Variants in BCL7C observed in about 807,000 individuals in gnomAD.
BCL7C encodes BAF chromatin remodeling complex subunit BCL7C, also known as B-cell CLL/lymphoma 7 protein family member C.
A neutral mutation model predicts 26.2 loss-of-function variants in BCL7C; 8 were observed. The ratio of observed to expected loss-of-function variants is 0.30; its 90% CI spans 0.18 to 0.55. The LOEUF (loss-of-function observed/expected upper bound fraction) is 0.55, where lower values mean the gene tolerates loss of function less well. Among genes scored for constraint, BCL7C ranks in the 20% least tolerant of loss-of-function variants. The pLI is 0.93. For synonymous variants in BCL7C, 90 were observed against 116.5 expected, an observed-to-expected ratio of 0.77 and a Z score of 1.47; for missense variants, 262 against 298.5, an observed-to-expected ratio of 0.88 and a Z score of 0.90.
chr16:30,850,127 G>A (rs746923863), intron 5 of BCL7C, among the ~76,000 whole-genome samples: 2 of 149,886 alleles, frequency 1.3e-5, no homozygotes, highest in Non-Finnish European at 1.5e-5. Flanking sequence ...GAAGAATGGC[G>A]TGAACCCAGG....
intron 5 of BCL7C, among the ~76,000 whole-genome samples, chr16:30,882,160 A>C (rs1485135503): frequency 4.6e-5 from 7 of 152,122 alleles, no homozygotes; most frequent in South Asian, 2.1e-4. Flanking sequence ...ATGGGGTGTC[A>C]CCATGTTGGC....
chr16:30,837,634 C>T (rs2054578058), intron 5 of BCL7C, among the ~76,000 whole-genome samples: 1 of 152,218 alleles, frequency 6.6e-6, no homozygotes, highest in Non-Finnish European at 1.5e-5. Context: ...AGGCGTGAGC[C>T]ACTGAGCCCA....
At chr16:30,873,215 G>A (rs148349792) in intron 5 of BCL7C, among the ~76,000 whole-genome samples, 69 of 124,486 alleles carry the variant, frequency 5.5e-4, no homozygotes, top group African/African-American at 2.1e-3. Context: ...ATAGGCCAGG[G>A]CTCTGAGCTC....
In BCL7C at chr16:30,887,903, G is replaced by A. The variant is rs1001844459; in HGVS notation, c.616C>T (p.Pro206Ser). The part of the protein sequence containing the change: ...GDTEDSEGAP[P>S]LKRICPNAPD... ...GCATTTGGGCAGATGCGCTTGAGTG[G>A]GGGGGCACCCTCCGAGTCCTCTGTG... is the stretch of plus-strand genomic sequence containing the variant. The change falls in exon 6 of 6, where the codon CCA becomes TCA. Residue 206 changes from proline (P) to serine (S), a missense_variant. By Grantham distance (74) the Pro-to-Ser change is moderately conservative. Coordinates refer to ENST00000215115, the MANE Select transcript of BCL7C (RefSeq NM_004765.4). 1.9e-6 allele frequency: 3 copies of A among 1,602,760 alleles called. No homozygotes were observed. The African/African-American group carries it at 4.1e-5, about 22-fold the overall frequency.
intron 5 of BCL7C, among the ~76,000 whole-genome samples, chr16:30,857,640 T>A (rs2054734431): frequency 6.6e-6 from 1 of 152,050 alleles, no homozygotes; most frequent in Non-Finnish European, 1.5e-5. Context: ...CAAAACTCAC[T>A]CTCCTTACTA....
At chr16:30,865,267 T>A (rs1208067071) in intron 5 of BCL7C, among the ~76,000 whole-genome samples, 1 of 151,554 alleles carries the variant, frequency 6.6e-6, no homozygotes, top group Non-Finnish European at 1.5e-5. Flanking sequence ...GAACTAATGA[T>A]AATCCTACCA....
chr16:30,861,251 C>T (rs1209223133), intron 5 of BCL7C, among the ~76,000 whole-genome samples: 3 of 152,150 alleles, frequency 2.0e-5, no homozygotes, highest in African/African-American at 7.2e-5. Context: ...TTAACCTTGC[C>T]TTCAAGGTAT....
At chr16:30,890,398 GA>G (rs945129530) in intron 4 of BCL7C, among the ~76,000 whole-genome samples, 41 of 142,378 alleles carry the variant, frequency 2.9e-4, no homozygotes, top group East Asian at 8.1e-4. Flanking sequence ...CATCTCAAAG[GA>G]AAAAAAAAAA....
intron 5 of BCL7C, chr16:30,875,307 T>G (rs919900158): frequency 2.6e-5 from 4 of 154,108 alleles, no homozygotes; most frequent in African/African-American, 9.6e-5. Context: ...AGTGCAGCCC[T>G]GCGCACTGCT....
intron 5 of BCL7C, among the ~76,000 whole-genome samples, chr16:30,880,165 T>C (rs916896418): frequency 4.0e-5 from 6 of 151,256 alleles, no homozygotes; most frequent in Non-Finnish European, 8.8e-5. Context: ...AGGACAGACA[T>C]TGTGGCATCA....
At chr16:30,889,057 G>T in intron 4 of BCL7C, 112 bp from the exon 5 acceptor site, 1 of 1,043,056 alleles carries the variant, frequency 9.6e-7, no homozygotes, top group Non-Finnish European at 1.5e-6. Context: ...AGAGGGCCAT[G>T]GGAGCAGAGA....
Position 30,892,181 on chromosome 16 carries a change from C to T in BCL7C, c.442+405G>A, listed in dbSNP as rs1213115935. Among the ~76,000 whole-genome samples the T allele has an allele frequency of 3.5e-5, 5 of 142,948 alleles. No homozygotes were observed. The East Asian group carries it at 8.8e-4, about 25-fold the overall frequency. The allele number at this position is 142,948 out of a possible 152,430, so 93.8% of individuals were successfully genotyped here. Reference sequence around the variant, plus strand: ...ACTTGGGAGGCTGAGGCGGGAGGATCGCTTGAGCCCAGGAAGTTCAAGGCT... The same window carrying T: ...ACTTGGGAGGCTGAGGCGGGAGGATTGCTTGAGCCCAGGAAGTTCAAGGCT... On this transcript the variant is annotated intron_variant, in intron 4 of 5. Transcript: ENST00000215115.
At chr16:30,874,608 C>T (rs2143033914) in intron 5 of BCL7C, among the ~76,000 whole-genome samples, 2 of 151,940 alleles carry the variant, frequency 1.3e-5, no homozygotes, top group South Asian at 4.2e-4. Flanking sequence ...GACAGTGAGG[C>T]GGTCTCAAAA....
chr16:30,887,727 G>A, downstream of BCL7C: 2 of 1,368,580 alleles, frequency 1.5e-6, no homozygotes, highest in Non-Finnish European at 1.9e-6. Flanking sequence ...TCTGAGCAAT[G>A]GTGCATGAGA....
Position 30,893,870 on chromosome 16 carries a change from G to A in BCL7C, c.75C>T (p.Ile25=), listed in dbSNP as rs2055300986. The A allele has an allele frequency of 6.2e-7, 1 of 1,602,594 alleles. No homozygotes were observed. ...GCGCTCACCATCTCCGGACCTTCTCGATGGTCGCCATCACCTTCTTGATGT... is the reference window on the plus strand; with the variant it reads ...GCGCTCACCATCTCCGGACCTTCTCAATGGTCGCCATCACCTTCTTGATGT... The part of the protein sequence containing the change: ...KDDIKKVMAT[I]EKVRRWEKRW... Residue 25 remains isoleucine, a synonymous_variant, in exon 1 of 6, where the codon ATC becomes ATT. Transcript: ENST00000215115. This position sits in a 1 kb window ranked among gnomAD's most constrained non-coding sequence, Gnocchi z 5.2.
At chr16:30,850,630 T>G (rs1393231647) in intron 5 of BCL7C, among the ~76,000 whole-genome samples, 2 of 152,226 alleles carry the variant, frequency 1.3e-5, no homozygotes, top group African/African-American at 4.8e-5. Flanking sequence ...GGTAAGTATT[T>G]GTGTATTTAA....
intron 5 of BCL7C, among the ~76,000 whole-genome samples, chr16:30,865,700 C>T (rs1198541049): frequency 2.6e-5 from 4 of 151,052 alleles, no homozygotes; most frequent in Non-Finnish European, 5.9e-5. Flanking sequence ...GACATTTTAC[C>T]GTGCACATAC....
chr16:30,847,969 A>G (rs1252119490), intron 5 of BCL7C, among the ~76,000 whole-genome samples: 1 of 151,904 alleles, frequency 6.6e-6, no homozygotes, highest in Non-Finnish European at 1.5e-5. Context: ...AGGATGTTAG[A>G]CCAGTGAGGG....
At chr16:30,865,876 G>A (rs998722888) in intron 5 of BCL7C, among the ~76,000 whole-genome samples, 2 of 139,686 alleles carry the variant, frequency 1.4e-5, no homozygotes, top group African/African-American at 5.3e-5. Context: ...ACAGGCGCCC[G>A]CCACAGTGCC....
Sources: allele counts gnomAD v4.1 joint callset (sites outside exome capture counted in the v4.1 genomes callset), GRCh38; gene constraint gnomAD v4.1.1; non-coding constraint Gnocchi (gnomAD v3.1); transcripts MANE v1.5; gene names NCBI Gene and HGNC (gene_info 2026-07-23, HGNC 2026-07-21).